Variants in TFEB observed in about 807,000 individuals in gnomAD.
TFEB encodes the protein T-cell transcription factor EB.
TFEB carries 12 observed loss-of-function variants against 48.0 expected under a neutral mutation model. The observed-to-expected ratio is 0.25, with a 90% CI of 0.16 to 0.40. TFEB has a LOEUF of 0.40. Ranked by LOEUF, TFEB falls within the 10% of genes least tolerant of loss-of-function variation. TFEB has a pLI of 1.00. For synonymous variants in TFEB, 244 were observed against 261.4 expected, an observed-to-expected ratio of 0.93 and a Z score of 0.64; for missense variants, 509 against 640.3, an observed-to-expected ratio of 0.79 and a Z score of 2.21.
At chr6:41,715,968 TC>T (rs1050854415) in intron 1 of TFEB, among the ~76,000 whole-genome samples, 3 of 152,074 alleles carry the variant, frequency 2.0e-5, no homozygotes, top group African/African-American at 7.2e-5. Context: ...ACTGCAAGCC[TC>T]ATCTCACTCA....
intron 1 of TFEB, among the ~76,000 whole-genome samples, chr6:41,710,026 C>T (rs112001921): frequency 0.014 from 2,131 of 152,194 alleles, 51 homozygotes; most frequent in African/African-American, 0.047. Context: ...TGGCCTCAAG[C>T]GATTCTCCTG....
At chr6:41,687,024 G>A in intron 7 of TFEB, 70 bp downstream of exon 7, 2 of 1,326,132 alleles carry the variant, frequency 1.5e-6, no homozygotes, top group Non-Finnish European at 1.1e-6. Flanking sequence ...GCATGGGGCT[G>A]AGGGCAGATA....
intron 1 of TFEB, among the ~76,000 whole-genome samples, chr6:41,731,284 A>G (rs1477938145): frequency 6.6e-6 from 1 of 152,008 alleles, no homozygotes; most frequent in East Asian, 1.9e-4. Flanking sequence ...GAGCTGTGCA[A>G]GCCACATAGC....
chr6:41,733,953 A>AG, intron 1 of TFEB: 3 of 888,094 alleles, frequency 3.4e-6, no homozygotes, highest in Non-Finnish European at 4.0e-6. Flanking sequence ...GGGCGGGTGC[A>AG]GGGGCCTGAG....
At chr6:41,697,852 G>A (rs191056488) in intron 1 of TFEB, among the ~76,000 whole-genome samples, 1 of 152,190 alleles carries the variant, frequency 6.6e-6, no homozygotes, top group Non-Finnish European at 1.5e-5. Context: ...AGGATGTAGG[G>A]GGAAATTGTA....
At chr6:41,722,711 T>C (rs1420275174) in intron 1 of TFEB, among the ~76,000 whole-genome samples, 2 of 152,240 alleles carry the variant, frequency 1.3e-5, no homozygotes. Flanking sequence ...GAGCTCTTAC[T>C]ATCAATCTCA....
At chr6:41,700,167 A>G (rs1353810791) in intron 1 of TFEB, among the ~76,000 whole-genome samples, 1 of 152,224 alleles carries the variant, frequency 6.6e-6, no homozygotes, top group Non-Finnish European at 1.5e-5. Context: ...TGATGAATAA[A>G]GATCAAGAAA....
intron 1 of TFEB, among the ~76,000 whole-genome samples, chr6:41,699,161 C>T (rs114265808): frequency 6.6e-6 from 1 of 152,354 alleles, no homozygotes; most frequent in African/African-American, 2.4e-5. Context: ...GGCTTGCCAG[C>T]TGGGGCCACG....
chr6:41,732,005 G>T (rs752725251), intron 1 of TFEB, among the ~76,000 whole-genome samples: 1 of 152,144 alleles, frequency 6.6e-6, no homozygotes, highest in Non-Finnish European at 1.5e-5. Context: ...TCAGACAGGG[G>T]CCTCAGCAAG....
intron 7 of TFEB, chr6:41,686,590 A>G (rs1370431607): frequency 4.4e-6 from 1 of 226,402 alleles, no homozygotes; most frequent in Non-Finnish European, 8.5e-6. Context: ...ATCTCGGCTC[A>G]CTGCTACCTC....
Position 41,723,532 on chromosome 6 carries a change from C to T in TFEB, c.-23+11818G>A, listed in dbSNP as rs763367761. 23 of 1,284,758 alleles carry T rather than the reference C, an allele frequency of 1.8e-5. No individual in the cohort carries two copies. The highest frequency in any genetic ancestry group is 5.0e-5 in the South Asian group (4 of 80,532). 79.6% of individuals were successfully genotyped at this position (1,284,758 alleles called of 1,614,324 possible). ...TCCTCCAGGGGCCGGAGCCCAGGGC[C>T]GCACCCCAGCCCCAGGGCCGGGCTC... On this transcript the variant is annotated intron_variant, in intron 1 of 8. Coordinates refer to ENST00000373033, the MANE Select transcript of TFEB (RefSeq NM_001271944.2). This position sits in a 1 kb window ranked among gnomAD's most constrained non-coding sequence, Gnocchi z 6.0.
chr6:41,696,618 C>T (rs1339421120), intron 1 of TFEB, among the ~76,000 whole-genome samples: 7 of 152,042 alleles, frequency 4.6e-5, no homozygotes, highest in Non-Finnish European at 2.9e-5. Context: ...CGCTTGAACC[C>T]GGGAGGCAGA....
At chr6:41,685,549 A>G (rs1350906451) in intron 8 of TFEB, among the ~76,000 whole-genome samples, 1 of 152,216 alleles carries the variant, frequency 6.6e-6, no homozygotes, top group Non-Finnish European at 1.5e-5. Context: ...AAAGAGGACA[A>G]GAGGCCCTCA....
chr6:41,728,065 G>A (rs1207449016), intron 1 of TFEB, among the ~76,000 whole-genome samples: 1 of 152,240 alleles, frequency 6.6e-6, no homozygotes, highest in Non-Finnish European at 1.5e-5. Flanking sequence ...CCAGCAAGAG[G>A]CCCAAGGAGA....
upstream of TFEB, chr6:41,736,101 G>A: frequency 1.2e-6 from 2 of 1,612,308 alleles, no homozygotes; most frequent in Non-Finnish European, 1.7e-6. Context: ...GACAGTAGAA[G>A]GCAGCCTGCC....
At chr6:41,694,094 G>C (rs558385667) in intron 1 of TFEB, among the ~76,000 whole-genome samples, 1 of 152,202 alleles carries the variant, frequency 6.6e-6, no homozygotes, top group African/African-American at 2.4e-5. Context: ...GGGAGGGCTA[G>C]GGGAGAATGA....
chr6:41,687,219 C>G (rs773337355), intron 6 of TFEB, 50 bp from the exon 7 acceptor site: 1 of 1,591,052 alleles, frequency 6.3e-7, no homozygotes, highest in Non-Finnish European at 8.6e-7. Context: ...GGGGACCCCC[C>G]ACCCCATGGG....
rs769882166 is a variant in TFEB, at chr6:41,690,739, A to C, written c.392T>G (p.Leu131Arg). ...AGCACTGTTGCCAGCGGAGGAGGAC[A>C]GCACGTGTCCAGCTCGCACCCCTGG... ...ASPGVRAGHV[L>R]SSSAGNSAPN... The change falls in exon 3 of 9, where the codon CTG becomes CGG. Residue 131 changes from leucine to arginine, a missense_variant. By Grantham distance (102) the Leu-to-Arg change is moderately radical. Transcript: ENST00000373033. 6.3e-7 allele frequency: 1 copy of C among 1,599,634 alleles called. No individual in the cohort carries two copies. Among genetic ancestry groups the C allele is most frequent in the Non-Finnish European group, 8.5e-7 (1 of 1,170,636 alleles).
chr6:41,696,587 G>A (rs1769597541), intron 1 of TFEB, among the ~76,000 whole-genome samples: 1 of 152,072 alleles, frequency 6.6e-6, no homozygotes, highest in South Asian at 2.1e-4. Flanking sequence ...CCAGCTACTC[G>A]GGAGGCTGAG....
Sources: gnomAD v4.1 joint callset for allele counts (sites outside exome capture counted in the v4.1 genomes callset) on GRCh38, gnomAD v4.1.1 for gene constraint, Gnocchi (gnomAD v3.1) non-coding constraint, MANE v1.5 for transcripts, NCBI Gene and HGNC (gene_info 2026-07-23, HGNC 2026-07-21) for gene names.